Variants in LRRC4C observed in about 807,000 individuals in gnomAD.
The protein encoded by LRRC4C is leucine-rich repeat-containing protein 4C.
A neutral mutation model predicts 33.6 loss-of-function variants in LRRC4C; 5 were observed. The ratio of observed to expected loss-of-function variants is 0.15; its 90% CI spans 0.08 to 0.31. LRRC4C has a LOEUF of 0.31. LRRC4C is among the 10% of genes least tolerant of loss of function. The probability of loss-of-function intolerance (pLI) is 1.00; values close to 1 mark genes in which losing one functional copy is unlikely to be tolerated. For synonymous variants in LRRC4C, 329 were observed against 302.0 expected (o/e 1.09, Z -0.93); for missense variants, 560 against 796.7 (o/e 0.70, Z 3.58).
At chr11:41,408,896 C>T (rs1310305554) in intron 1 of LRRC4C, among the ~76,000 whole-genome samples, 2 of 152,152 alleles carry the variant, frequency 1.3e-5, no homozygotes, top group African/African-American at 4.8e-5. Context: ...AAGTTTTCTT[C>T]TGTAGCCTGG....
chr11:40,375,060 A>G (rs2137291409), intron 3 of LRRC4C, among the ~76,000 whole-genome samples: 1 of 152,292 alleles, frequency 6.6e-6, no homozygotes, highest in Admixed American at 6.5e-5. Flanking sequence ...CATCCAGTGG[A>G]ACAAAATTTT....
chr11:40,630,383 CTTCTTCT>C (rs1963378331), intron 3 of LRRC4C, among the ~76,000 whole-genome samples: 1 of 120,784 alleles, frequency 8.3e-6, no homozygotes, highest in Admixed American at 9.1e-5. Flanking sequence ...TCTTCTTCTT[CTTCTTCT>C]TTTCTTCCTC....
intron 1 of LRRC4C, among the ~76,000 whole-genome samples, chr11:40,996,657 C>T (rs931275934): frequency 1.3e-5 from 2 of 152,112 alleles, no homozygotes; most frequent in African/African-American, 4.8e-5. Context: ...GCTCATGGTT[C>T]TGCAGAGTGT....
intron 1 of LRRC4C, among the ~76,000 whole-genome samples, chr11:41,039,399 C>T (rs967388452): frequency 6.6e-6 from 1 of 152,148 alleles, no homozygotes; most frequent in East Asian, 1.9e-4. Flanking sequence ...TTCCTGTATT[C>T]ACCCTCGCAC....
At chr11:40,910,873 T>C (rs936177108) in intron 2 of LRRC4C, among the ~76,000 whole-genome samples, 2 of 152,202 alleles carry the variant, frequency 1.3e-5, no homozygotes, top group African/African-American at 4.8e-5. Context: ...CCAATGGTCT[T>C]AGCAAACGGC....
intron 3 of LRRC4C, among the ~76,000 whole-genome samples, chr11:40,605,805 GC>G (rs2135842272): frequency 6.6e-6 from 1 of 152,250 alleles, no homozygotes; most frequent in African/African-American, 2.4e-5. Flanking sequence ...CCTGCCACTA[GC>G]CCAGCATGGA....
intron 2 of LRRC4C, among the ~76,000 whole-genome samples, chr11:40,751,947 T>G (rs1591628847): frequency 6.6e-6 from 1 of 152,056 alleles, no homozygotes; most frequent in South Asian, 2.1e-4. Flanking sequence ...GATAAATCAA[T>G]GTATTTATAG....
chr11:40,639,625 T>A (rs1394925089), intron 3 of LRRC4C, among the ~76,000 whole-genome samples: 2 of 152,206 alleles, frequency 1.3e-5, no homozygotes, highest in Non-Finnish European at 2.9e-5. Flanking sequence ...TGCCATTTGG[T>A]TGAATAGAAG....
At position 41,013,306 on chromosome 11, in the gene LRRC4C, C is replaced by A. The variant is rs969283413; in HGVS notation, c.-495-79583G>T. 2.6e-5 allele frequency among the ~76,000 whole-genome samples: 4 copies of A among 152,232 alleles called. No homozygotes were observed. In the South Asian group the frequency reaches 8.3e-4, roughly 32 times the overall value. On this transcript the variant is annotated intron_variant, in intron 1 of 6. Transcript: ENST00000528697. Reference sequence around the variant, plus strand: ...GTGTCTTTACTTAGCTTTAAAATGGCACGTTTTTAATTTTGGGCATTTATT... The same window carrying A: ...GTGTCTTTACTTAGCTTTAAAATGGAACGTTTTTAATTTTGGGCATTTATT...
intron 2 of LRRC4C, among the ~76,000 whole-genome samples, chr11:40,739,130 TAGTC>T (rs1289483093): frequency 6.6e-6 from 1 of 151,764 alleles, no homozygotes; most frequent in Non-Finnish European, 1.5e-5. Context: ...ATATTAACAA[TAGTC>T]AGGCTCCATA....
intron 1 of LRRC4C, among the ~76,000 whole-genome samples, chr11:41,164,280 A>C (rs1944621584): frequency 6.6e-6 from 1 of 151,700 alleles, no homozygotes; most frequent in Non-Finnish European, 1.5e-5. Flanking sequence ...CAGGGTCATA[A>C]ATATCACAGT....
intron 3 of LRRC4C, among the ~76,000 whole-genome samples, chr11:40,597,380 C>T (rs755363296): frequency 5.3e-5 from 8 of 152,106 alleles, no homozygotes; most frequent in Non-Finnish European, 1.0e-4. Flanking sequence ...CTTTGTGTTA[C>T]TTTTGCGTGC....
intron 1 of LRRC4C, among the ~76,000 whole-genome samples, chr11:41,330,880 A>G (rs1951273611): frequency 6.6e-6 from 1 of 150,876 alleles, no homozygotes; most frequent in Non-Finnish European, 1.5e-5. Flanking sequence ...ACTTATTAAA[A>G]CCCTCTGAAA....
At chr11:40,320,245 C>A (rs541510555) in intron 3 of LRRC4C, among the ~76,000 whole-genome samples, 1 of 152,298 alleles carries the variant, frequency 6.6e-6, no homozygotes, top group East Asian at 1.9e-4. Context: ...GTGGCTCACG[C>A]CTGTAATCCC....
At chr11:40,569,263 T>G (rs1199580196) in intron 3 of LRRC4C, among the ~76,000 whole-genome samples, 1 of 152,128 alleles carries the variant, frequency 6.6e-6, no homozygotes, top group African/African-American at 2.4e-5. Flanking sequence ...CAGCCTGAAT[T>G]TAGACTCAGA....
chr11:40,323,443 CT>C (rs1288394802), intron 3 of LRRC4C, among the ~76,000 whole-genome samples: 3 of 152,196 alleles, frequency 2.0e-5, no homozygotes, highest in Non-Finnish European at 4.4e-5. Context: ...GGAACAGAGT[CT>C]ATTGACTCAC....
chr11:41,332,857 C>T (rs1951338490), intron 1 of LRRC4C, among the ~76,000 whole-genome samples: 1 of 152,116 alleles, frequency 6.6e-6, no homozygotes, highest in South Asian at 2.1e-4. Flanking sequence ...GTATATAAGG[C>T]ATACTACATG....
At chr11:40,265,313 C>T (rs1211312799) in intron 4 of LRRC4C, among the ~76,000 whole-genome samples, 1 of 152,066 alleles carries the variant, frequency 6.6e-6, no homozygotes, top group Non-Finnish European at 1.5e-5. Flanking sequence ...CGGACTTTCC[C>T]GTGTCATTTT....
intron 4 of LRRC4C, among the ~76,000 whole-genome samples, chr11:40,250,012 C>A (rs1259785731): frequency 6.8e-6 from 1 of 147,894 alleles, no homozygotes. Context: ...TTTGCAACTT[C>A]TGCTTCTTAG....
Sources: allele counts gnomAD v4.1 joint callset (sites outside exome capture counted in the v4.1 genomes callset), GRCh38; gene constraint gnomAD v4.1.1; transcripts MANE v1.5; gene names NCBI Gene and HGNC (gene_info 2026-07-23, HGNC 2026-07-21).